Variants in BRINP1 observed in about 807,000 individuals in gnomAD.
BRINP1 encodes the protein BMP/retinoic acid-inducible neural-specific protein 1.
In BRINP1, 17 loss-of-function variants were observed where a neutral mutation model predicts 72.9. That is an observed-to-expected ratio of 0.23 (90% CI 0.16 to 0.35). The LOEUF (loss-of-function observed/expected upper bound fraction) is 0.35, where lower values mean the gene tolerates loss of function less well. Ranked by LOEUF, BRINP1 falls within the 10% of genes least tolerant of loss-of-function variation. BRINP1 has a pLI of 1.00. For missense variants in BRINP1, 850 were observed against 1,001.6 expected (o/e 0.85, Z 2.04); for synonymous variants, 418 against 378.5 (o/e 1.10, Z -1.21).
chr9:119,326,615 C>T (rs886420195), intron 1 of BRINP1, among the ~76,000 whole-genome samples: 5 of 151,980 alleles, frequency 3.3e-5, no homozygotes, highest in African/African-American at 1.2e-4. Flanking sequence ...GAGCTTTCTC[C>T]CCAAATTATC....
In BRINP1 at chr9:119,284,765, A is replaced by G. The variant is rs1830743017; in HGVS notation, c.218+28373T>C. On this transcript the variant is annotated intron_variant, in intron 2 of 7. Transcript: ENST00000265922. ...TGTTTATCGCCCTGTAAATTCCAAC[A>G]TATCAGTAGCTTGTTACAGAGAGGA... Among the ~76,000 whole-genome samples, 3 of 152,276 alleles carry G rather than the reference A, an allele frequency of 2.0e-5. No homozygotes were observed. In the South Asian group the frequency reaches 6.2e-4, roughly 32 times the overall value.
At chr9:119,231,082 A>G (rs1243172846) in intron 5 of BRINP1, among the ~76,000 whole-genome samples, 1 of 152,128 alleles carries the variant, frequency 6.6e-6, no homozygotes, top group African/African-American at 2.4e-5. Flanking sequence ...GTATACTAAG[A>G]AAATAATACC....
chr9:119,254,355 A>G (rs2118927047), intron 2 of BRINP1, among the ~76,000 whole-genome samples: 1 of 152,250 alleles, frequency 6.6e-6, no homozygotes, highest in African/African-American at 2.4e-5. Flanking sequence ...GGCCTTTGTG[A>G]TTTCATGACA....
chr9:119,337,211 T>C (rs1449311141), intron 1 of BRINP1, among the ~76,000 whole-genome samples: 1 of 152,128 alleles, frequency 6.6e-6, no homozygotes, highest in Non-Finnish European at 1.5e-5. Flanking sequence ...TTTTAGCGCA[T>C]CACCACTTCT....
chr9:119,187,934 G>T (rs983485209), intron 7 of BRINP1, among the ~76,000 whole-genome samples: 1 of 152,174 alleles, frequency 6.6e-6, no homozygotes, highest in African/African-American at 2.4e-5. Context: ...AAAATTAAGA[G>T]CTTCAATAGC....
chr9:119,362,775 A>G (rs1831649963), intron 1 of BRINP1, among the ~76,000 whole-genome samples: 1 of 152,240 alleles, frequency 6.6e-6, no homozygotes, highest in Non-Finnish European at 1.5e-5. Context: ...GAGTAGGAGT[A>G]GAAATTAAAA....
rs569018663 is a variant in BRINP1, at chr9:119,363,816, T to A, written c.-51+5240A>T. ...AGTTAAATAAAATTAAATATTCAGT[T>A]CATCAGCAACACTGGCCACATTTCA... On this transcript the variant is annotated intron_variant, in intron 1 of 7. Coordinates refer to ENST00000265922, the MANE Select transcript of BRINP1 (RefSeq NM_014618.3). Among the ~76,000 whole-genome samples, 5 of 152,286 alleles carry A rather than the reference T, an allele frequency of 3.3e-5. 1 individual carries two copies. The South Asian group carries it at 1.0e-3, about 32-fold the overall frequency.
chr9:119,251,566 G>T (rs927339216), intron 2 of BRINP1, among the ~76,000 whole-genome samples: 1 of 152,110 alleles, frequency 6.6e-6, no homozygotes, highest in Non-Finnish European at 1.5e-5. Flanking sequence ...AACATAGTGA[G>T]ACCTTGTCTC....
chr9:119,253,809 A>G (rs1199250726), intron 2 of BRINP1, among the ~76,000 whole-genome samples: 1 of 152,180 alleles, frequency 6.6e-6, no homozygotes, highest in Admixed American at 6.5e-5. Context: ...TAAGAGCTAA[A>G]GGCAGAGAGG....
chr9:119,293,212 G>T (rs1225896539), intron 2 of BRINP1, among the ~76,000 whole-genome samples: 3 of 151,804 alleles, frequency 2.0e-5, no homozygotes, highest in Non-Finnish European at 4.4e-5. Context: ...GGCGGGAAAA[G>T]GTGCTAAAAT....
intron 7 of BRINP1, among the ~76,000 whole-genome samples, chr9:119,182,282 A>C (rs1829565965): frequency 6.6e-6 from 1 of 152,230 alleles, no homozygotes; most frequent in Non-Finnish European, 1.5e-5. Context: ...ATTTCTTAAA[A>C]GTGCTCACCG....
Position 119,341,646 on chromosome 9 carries a change from T to C in BRINP1, c.-51+27410A>G, listed in dbSNP as rs111435739. Among the ~76,000 whole-genome samples, 821 of 152,314 alleles carry C rather than the reference T, an allele frequency of 5.4e-3. 3 individuals carry two copies. Among genetic ancestry groups the C allele is most frequent in the Non-Finnish European group, 8.0e-3 (541 of 68,022 alleles). ...TAGGCAAAGGTAAGTGTTCTAAGCA[T>C]GTTGAAGGTAGGCTAGGCTAAACTA... is the stretch of plus-strand genomic sequence containing the variant. On this transcript the variant is annotated intron_variant, in intron 1 of 7. Coordinates refer to ENST00000265922, the MANE Select transcript of BRINP1 (RefSeq NM_014618.3).
At chr9:119,195,971 A>G (rs1012230976) in intron 7 of BRINP1, among the ~76,000 whole-genome samples, 3 of 152,252 alleles carry the variant, frequency 2.0e-5, no homozygotes, top group East Asian at 3.8e-4. Context: ...AATTTGAAAC[A>G]TATGAAAACT....
At position 119,167,385 on chromosome 9, in the gene BRINP1, A is replaced by G; in HGVS notation, c.1985T>C (p.Leu662Pro). The stretch of plus-strand genomic sequence containing the variant: ...GCGCAGGAGGTCGGCGTTGAACCTC[A>G]GGCTATACCCAAACACCTGCACGTC... Reference protein sequence around the residue: ...ISDVQVFGYSLRFNADLLRSA... With the variant: ...ISDVQVFGYSPRFNADLLRSA... The change falls in exon 8 of 8, where the codon CTG becomes CCG. Residue 662 changes from leucine (L) to proline (P), a missense_variant. Leu to Pro is a moderately conservative substitution (Grantham distance 98, BLOSUM62 -3). Coordinates refer to ENST00000265922, the MANE Select transcript of BRINP1 (RefSeq NM_014618.3). This position sits in a 1 kb window ranked among gnomAD's most constrained non-coding sequence, Gnocchi z 4.3. 6.2e-7 allele frequency: 1 copy of G among 1,614,058 alleles called. No individual in the cohort carries two copies. Among genetic ancestry groups the G allele is most frequent in the Non-Finnish European group, 8.5e-7 (1 of 1,179,988 alleles).
intron 5 of BRINP1, among the ~76,000 whole-genome samples, chr9:119,225,834 TA>T: frequency 6.6e-6 from 1 of 152,162 alleles, no homozygotes; most frequent in South Asian, 2.1e-4. Context: ...GTACTGTTGC[TA>T]AATTTAACAC....
chr9:119,208,650 T>C (rs1165442701), intron 7 of BRINP1, 69 bp downstream of exon 7: 7 of 1,484,458 alleles, frequency 4.7e-6, no homozygotes, highest in Admixed American at 3.5e-5. Flanking sequence ...TGCATTTCAC[T>C]CTGCAGCAAG....
chr9:119,275,606 C>T (rs1479735426), intron 2 of BRINP1, among the ~76,000 whole-genome samples: 4 of 152,150 alleles, frequency 2.6e-5, no homozygotes, highest in Admixed American at 6.5e-5. Flanking sequence ...TCCAATGCAA[C>T]ATATTGGATG....
At chr9:119,191,358 A>C (rs1014155275) in intron 7 of BRINP1, among the ~76,000 whole-genome samples, 1 of 151,878 alleles carries the variant, frequency 6.6e-6, no homozygotes, top group African/African-American at 2.4e-5. Context: ...TCTATTTGCA[A>C]GTGTCATAAT....
intron 7 of BRINP1, among the ~76,000 whole-genome samples, chr9:119,189,319 C>T (rs1051501469): frequency 1.3e-5 from 2 of 152,088 alleles, no homozygotes; most frequent in Admixed American, 1.3e-4. Context: ...GTAGTAAATT[C>T]TTCCGTATCA....
Sources: gnomAD v4.1 joint callset for allele counts (sites outside exome capture counted in the v4.1 genomes callset) on GRCh38, gnomAD v4.1.1 for gene constraint, Gnocchi (gnomAD v3.1) non-coding constraint, MANE v1.5 for transcripts, NCBI Gene and HGNC (gene_info 2026-07-23, HGNC 2026-07-21) for gene names.